Variants in CAPN13 observed in about 807,000 individuals in gnomAD.
CAPN13 encodes calpain 13, also known as calpain-13.
CAPN13 carries 90 observed loss-of-function variants against 98.4 expected under a neutral mutation model. The ratio of observed to expected loss-of-function variants is 0.92; its 90% CI spans 0.77 to 1.09. CAPN13 has a LOEUF of 1.09. Among genes scored for constraint, CAPN13 ranks in the 50% least tolerant of loss-of-function variants. CAPN13 has a pLI of 0.00. For missense variants in CAPN13, 887 were observed against 841.3 expected, an observed-to-expected ratio of 1.05 and a Z score of -0.67; for synonymous variants, 330 against 305.5, an observed-to-expected ratio of 1.08 and a Z score of -0.84.
intron 1 of CAPN13, among the ~76,000 whole-genome samples, chr2:30,791,814 T>C (rs1207305403): frequency 5.3e-5 from 8 of 152,228 alleles, no homozygotes; most frequent in East Asian, 1.9e-4. Context: ...ATTTAAACCA[T>C]GAAATATTTT....
rs759033188 is a variant in CAPN13 at position 30,763,136 on chromosome 2, C to T, written c.720G>A (p.Ala240=). The T allele has an allele frequency of 1.1e-5, 18 of 1,611,362 alleles. No homozygotes were observed. The highest frequency in any genetic ancestry group is 1.7e-5 in the Admixed American group (1 of 59,804). ...GGAGACTCACCAGCCCATTCTCCAT[C>T]GCCTGTGCTGTATCTGTTGGCTTCA... ...TPSGPTDTAQ[A]MENGLVSLHA... is the part of the protein sequence containing the mutation. Residue 240 remains alanine (A), a synonymous_variant, in exon 7 of 23, where the codon GCG becomes GCA. Transcript: ENST00000295055.
intron 1 of CAPN13, among the ~76,000 whole-genome samples, chr2:30,800,595 T>A (rs1317774333): frequency 6.6e-6 from 1 of 152,236 alleles, no homozygotes; most frequent in East Asian, 1.9e-4. Context: ...AGGAGGTTGG[T>A]CTCGCACTTC....
Position 30,787,376 on chromosome 2 carries a change from G to C in CAPN13, c.-32-19C>G, listed in dbSNP as rs552607391. ...TCCTTTCCTGTTGGTGAGAAAAAGG[G>C]ATACCTTTGGGGTAAGCCATCAAGT... On this transcript the variant is annotated intron_variant, in intron 1 of 22. Transcript: ENST00000295055. 7.1e-6 allele frequency: 11 copies of C among 1,539,306 alleles called. No individual in the cohort carries two copies. In the East Asian group the frequency reaches 2.3e-4, roughly 32 times the overall value.
intron 22 of CAPN13, among the ~76,000 whole-genome samples, chr2:30,726,906 A>C (rs968808484): frequency 1.3e-5 from 2 of 152,182 alleles, no homozygotes; most frequent in African/African-American, 4.8e-5. Flanking sequence ...TTGAAAAGTA[A>C]AATAAAGTTG....
At chr2:30,804,488 C>G (rs1675487377) in intron 1 of CAPN13, among the ~76,000 whole-genome samples, 1 of 152,330 alleles carries the variant, frequency 6.6e-6, no homozygotes, top group South Asian at 2.1e-4. Context: ...CAGGCGTGAA[C>G]AGAGCCTTTT....
chr2:30,734,193 C>A (rs554730803), intron 19 of CAPN13, among the ~76,000 whole-genome samples: 6 of 152,320 alleles, frequency 3.9e-5, no homozygotes, highest in African/African-American at 1.4e-4. Context: ...TATTTTCTCA[C>A]AATTAGAGCT....
intron 2 of CAPN13, among the ~76,000 whole-genome samples, chr2:30,782,132 C>A (rs946408780): frequency 1.3e-5 from 2 of 152,146 alleles, no homozygotes; most frequent in Non-Finnish European, 2.9e-5. Context: ...TGATCTCAAG[C>A]CAGCTGCTCT....
At chr2:30,731,264 G>T in intron 21 of CAPN13, 80 bp downstream of exon 21, 1 of 1,302,162 alleles carries the variant, frequency 7.7e-7, no homozygotes, top group Non-Finnish European at 1.0e-6. Context: ...ATATCCTCAG[G>T]GAGAAAAATG....
At chr2:30,755,171 C>T (rs1173225745) in intron 8 of CAPN13, among the ~76,000 whole-genome samples, 3 of 151,966 alleles carry the variant, frequency 2.0e-5, no homozygotes, top group Admixed American at 6.6e-5. Context: ...CTGCACCTGG[C>T]GCCCTCTTCC....
chr2:30,736,557 C>T lies in CAPN13; in HGVS notation c.1668G>A (p.Gly556=), dbSNP rs1671376212. 1.2e-6 allele frequency: 2 copies of T among 1,614,020 alleles called. No individual in the cohort carries two copies. The highest frequency in any genetic ancestry group is 8.5e-7 in the Non-Finnish European group (1 of 1,179,900). ...GCGCAAACTCCTCTTGGTCTAGCCG[C>T]CCATTCACTTTCAGCTGGGTAAGGA... ...LVALMELKVN[G]RLDQEEFARL... Residue 556 remains glycine (G), a synonymous_variant, in exon 18 of 23, where the codon GGG becomes GGA. Coordinates refer to ENST00000295055, the MANE Select transcript of CAPN13 (RefSeq NM_144575.3).
intron 11 of CAPN13, 136 bp downstream of exon 11, chr2:30,750,967 A>G (rs1396737818): frequency 3.1e-6 from 3 of 977,694 alleles, no homozygotes; most frequent in Non-Finnish European, 4.5e-6. Flanking sequence ...GACTGCATGA[A>G]TGCTACAGCC....
At chr2:30,776,612 A>C (rs1429655555) in intron 3 of CAPN13, among the ~76,000 whole-genome samples, 1 of 152,132 alleles carries the variant, frequency 6.6e-6, no homozygotes, top group East Asian at 1.9e-4. Flanking sequence ...CTTTGCTGTT[A>C]GCTCAGCCCG....
chr2:30,783,736 G>A (rs970847717), intron 2 of CAPN13, among the ~76,000 whole-genome samples: 1 of 152,172 alleles, frequency 6.6e-6, no homozygotes, highest in Non-Finnish European at 1.5e-5. Flanking sequence ...CTCATTGTCA[G>A]GAAAAACTTA....
Position 30,806,250 on chromosome 2 carries a change from T to A in CAPN13, c.-33+1052A>T, listed in dbSNP as rs1022615312. The A allele has an allele frequency of 3.9e-5, 6 of 152,160 alleles. No individual in the cohort carries two copies. In the East Asian group the frequency reaches 1.2e-3, roughly 29 times the overall value. 9.4% of individuals were successfully genotyped at this position (152,160 alleles called of 1,614,324 possible). A position where few individuals can be genotyped will look rare whatever the true frequency, so the allele number is the denominator to read the frequency against. ...ACTTTTGCAGCAAGTCACTCACCGG[T>A]CCCTCACTTTTTCCATCTACAAAAT... On this transcript the variant is annotated intron_variant, in intron 1 of 22. Transcript: ENST00000295055.
chr2:30,802,554 G>T (rs1423405925), intron 1 of CAPN13, among the ~76,000 whole-genome samples: 24 of 111,358 alleles, frequency 2.2e-4, no homozygotes, highest in Non-Finnish European at 3.6e-4. Flanking sequence ...GGGGGGGGGG[G>T]TGGTGGTTAG....
intron 22 of CAPN13, among the ~76,000 whole-genome samples, chr2:30,727,373 A>G (rs1670893241): frequency 6.6e-6 from 1 of 152,226 alleles, no homozygotes; most frequent in Non-Finnish European, 1.5e-5. Context: ...AAAACTGCAA[A>G]GACAACCTGC....
chr2:30,806,139 T>G (rs1572900529), intron 1 of CAPN13: 1 of 152,138 alleles, frequency 6.6e-6, no homozygotes, highest in African/African-American at 2.4e-5. Context: ...AGAGGGTAAC[T>G]GAATACAACC....
At chr2:30,798,301 C>A (rs777458492) in intron 1 of CAPN13, among the ~76,000 whole-genome samples, 1 of 152,178 alleles carries the variant, frequency 6.6e-6, no homozygotes, top group Non-Finnish European at 1.5e-5. Flanking sequence ...CAAGGAAGGC[C>A]GTAGCACTCT....
Position 30,736,564 on chromosome 2 carries a change from A to G in CAPN13, c.1661T>C (p.Val554Ala). Reference protein sequence around the residue: ...RSLVALMELKVNGRLDQEEFA... With the variant: ...RSLVALMELKANGRLDQEEFA... Reference sequence around the variant, plus strand: ...CTCCTCTTGGTCTAGCCGCCCATTCACTTTCAGCTGGGTAAGGAGTTAAGA... The same window carrying G: ...CTCCTCTTGGTCTAGCCGCCCATTCGCTTTCAGCTGGGTAAGGAGTTAAGA... The change falls in exon 18 of 23, where the codon GTG (valine) becomes GCG (alanine). Residue 554 changes from valine to alanine, a missense_variant. Coordinates refer to ENST00000295055, the MANE Select transcript of CAPN13 (RefSeq NM_144575.3). The G allele has an allele frequency of 6.2e-7, 1 of 1,613,974 alleles. No individual in the cohort carries two copies. Among genetic ancestry groups the G allele is most frequent in the Non-Finnish European group, 8.5e-7 (1 of 1,179,896 alleles).
Sources: allele counts gnomAD v4.1 joint callset (sites outside exome capture counted in the v4.1 genomes callset), GRCh38; gene constraint gnomAD v4.1.1; transcripts MANE v1.5; gene names NCBI Gene and HGNC (gene_info 2026-07-23, HGNC 2026-07-21).